The following SEMA6D variants were observed in gnomAD, a reference collection of about 807,000 sequenced individuals.
SEMA6D encodes semaphorin 6D, also known as semaphorin-6D.
SEMA6D carries 35 observed loss-of-function variants against 106.6 expected under a neutral mutation model. That is an observed-to-expected ratio of 0.33 (90% CI 0.25 to 0.44). The LOEUF (loss-of-function observed/expected upper bound fraction) is 0.44. SEMA6D is among the 20% of genes least tolerant of loss of function. The pLI is 1.00. For missense variants in SEMA6D, 1,185 were observed against 1,345.9 expected, an observed-to-expected ratio of 0.88 and a Z score of 1.87; for synonymous variants, 499 against 487.7, an observed-to-expected ratio of 1.02 and a Z score of -0.31.
intron 1 of SEMA6D, among the ~76,000 whole-genome samples, chr15:47,230,984 C>G (rs756463737): frequency 2.2e-4 from 34 of 151,744 alleles, no homozygotes; most frequent in Non-Finnish European, 3.8e-4. Flanking sequence ...TACTTTTTAC[C>G]CCCTTTCCTC....
intron 4 of SEMA6D, among the ~76,000 whole-genome samples, chr15:47,669,093 G>A (rs2145354299): frequency 6.6e-6 from 1 of 151,788 alleles, no homozygotes; most frequent in African/African-American, 2.4e-5. Flanking sequence ...TTTGGCTAAT[G>A]ATTTGAAGGG....
At chr15:47,230,034 A>G (rs886643256) in intron 1 of SEMA6D, among the ~76,000 whole-genome samples, 1 of 152,138 alleles carries the variant, frequency 6.6e-6, no homozygotes, top group African/African-American at 2.4e-5. Context: ...ATTCAAATTT[A>G]ACTGAAGTTT....
At chr15:47,270,104 A>C (rs551573579) in intron 1 of SEMA6D, among the ~76,000 whole-genome samples, 3 of 149,234 alleles carry the variant, frequency 2.0e-5, no homozygotes, top group Non-Finnish European at 3.0e-5. Context: ...TGTTTGTTAC[A>C]TTTTATTTAA....
At chr15:47,295,485 A>G (rs1390388300) in intron 1 of SEMA6D, among the ~76,000 whole-genome samples, 2 of 152,150 alleles carry the variant, frequency 1.3e-5, no homozygotes, top group African/African-American at 2.4e-5. Context: ...ATAGGACCAA[A>G]CTTCTGAAAG....
intron 1 of SEMA6D, among the ~76,000 whole-genome samples, chr15:47,342,559 A>G (rs1178145277): frequency 6.6e-6 from 1 of 152,212 alleles, no homozygotes; most frequent in African/African-American, 2.4e-5. Context: ...ATGTACTACC[A>G]TTACTCACTT....
rs562747720 is a variant in SEMA6D, at chr15:47,374,584, A to G, written c.-238-37809A>G. On this transcript the variant is annotated intron_variant, in intron 1 of 19. Coordinates refer to the SEMA6D transcript ENST00000558014. ...AAGCCCCTGTGAAGGCTAGTTGTCAATAGATGTTAAGGCTTGATTTGGCTG... is the reference window on the plus strand; with the variant it reads ...AAGCCCCTGTGAAGGCTAGTTGTCAGTAGATGTTAAGGCTTGATTTGGCTG... Among the ~76,000 whole-genome samples the G allele has an allele frequency of 1.8e-4, 28 of 152,214 alleles. No homozygotes were observed. In the East Asian group the frequency reaches 3.1e-3, roughly 17 times the overall value.
rs1237423034 is a variant in SEMA6D at position 47,759,770 on chromosome 15, G to T, written c.-29G>T. Reference sequence around the variant, plus strand: ...GTAGCTCAGTGGCATTTCTGAGCAGGGGCCACCCTGACTTCACCTTGGCCC... The same window carrying T: ...GTAGCTCAGTGGCATTTCTGAGCAGTGGCCACCCTGACTTCACCTTGGCCC... On this transcript the variant is annotated 5_prime_UTR_variant, in exon 2 of 19. Coordinates refer to ENST00000536845, the MANE Select transcript of SEMA6D (RefSeq NM_001358351.3). 1 of 1,549,242 alleles carries T rather than the reference G, an allele frequency of 6.5e-7. No homozygotes were observed. The highest frequency in any genetic ancestry group is 1.4e-5 in the African/African-American group (1 of 73,474).
At chr15:47,637,268 A>G (rs73392809) in intron 4 of SEMA6D, among the ~76,000 whole-genome samples, 5,230 of 152,246 alleles carry the variant, frequency 0.034, 294 homozygotes, top group African/African-American at 0.12. Flanking sequence ...TTTCCACCCC[A>G]AACAGTGCTT....
intron 4 of SEMA6D, among the ~76,000 whole-genome samples, chr15:47,682,657 G>A (rs2078382366): frequency 6.6e-6 from 1 of 152,178 alleles, no homozygotes; most frequent in African/African-American, 2.4e-5. Context: ...TTCCAGGATG[G>A]CTTTGCCATC....
At chr15:47,325,323 A>G (rs914992565) in intron 1 of SEMA6D, among the ~76,000 whole-genome samples, 6 of 151,948 alleles carry the variant, frequency 3.9e-5, no homozygotes, top group African/African-American at 1.5e-4. Flanking sequence ...ACAGGCGCCC[A>G]CCACCAGGCC....
At chr15:47,186,813 T>C (rs769477405) in intron 1 of SEMA6D, among the ~76,000 whole-genome samples, 2 of 152,188 alleles carry the variant, frequency 1.3e-5, no homozygotes, top group Admixed American at 1.3e-4. Flanking sequence ...TCTTCTGAAG[T>C]CTCCAGACTC....
At chr15:47,263,909 A>G (rs1450093377) in intron 1 of SEMA6D, among the ~76,000 whole-genome samples, 1 of 151,738 alleles carries the variant, frequency 6.6e-6, no homozygotes, top group Non-Finnish European at 1.5e-5. Context: ...TATTCATTGC[A>G]ACACTATTCA....
At chr15:47,591,096 G>T (rs886618360) in intron 3 of SEMA6D, among the ~76,000 whole-genome samples, 1 of 152,136 alleles carries the variant, frequency 6.6e-6, no homozygotes, top group Non-Finnish European at 1.5e-5. Flanking sequence ...CAAGGTCAAG[G>T]TACCAACAGG....
chr15:47,308,026 C>A (rs1311281674), intron 1 of SEMA6D, among the ~76,000 whole-genome samples: 1 of 133,760 alleles, frequency 7.5e-6, no homozygotes, highest in Non-Finnish European at 1.7e-5. Flanking sequence ...CAGAATTTGG[C>A]CTGGCTATTT....
At chr15:47,729,092 A>C (rs1180256210) in intron 1 of SEMA6D, among the ~76,000 whole-genome samples, 1 of 152,192 alleles carries the variant, frequency 6.6e-6, no homozygotes, top group Non-Finnish European at 1.5e-5. Flanking sequence ...CAGAGTCAGA[A>C]TTCACACCCA....
intron 4 of SEMA6D, among the ~76,000 whole-genome samples, chr15:47,707,586 G>A (rs1219352700): frequency 6.6e-6 from 1 of 152,184 alleles, no homozygotes; most frequent in Non-Finnish European, 1.5e-5. Context: ...GTCTAGGAAT[G>A]TGAAGGATGA....
Position 47,222,001 on chromosome 15 carries a change from GCACA to G in SEMA6D, c.-239+37595_-239+37598del, listed in dbSNP as rs113628492. 4.1e-3 allele frequency among the ~76,000 whole-genome samples: 614 copies of G among 150,776 alleles called. 21 individuals are homozygous for G. The highest frequency in any genetic ancestry group is 0.036 in the Admixed American group (548 of 15,068). ...CTTCATCACTGATGCACAAGCAAGC[GCACA>G]CACACACACACGCACAGACACACGC... On this transcript the variant is annotated intron_variant, in intron 1 of 19. Transcript: ENST00000558014.
chr15:47,473,920 G>T (rs149672843), intron 3 of SEMA6D, among the ~76,000 whole-genome samples: 20 of 151,990 alleles, frequency 1.3e-4, no homozygotes, highest in African/African-American at 4.1e-4. Flanking sequence ...CTTACATGGG[G>T]CAAGAAAAAA....
At chr15:47,463,885 G>A (rs1981919) in intron 2 of SEMA6D, among the ~76,000 whole-genome samples, 15,675 of 152,062 alleles carry the variant, frequency 0.1, 899 homozygotes, top group African/African-American at 0.14. Context: ...TTGGCTTGTG[G>A]CTGCGTTACT....
Sources: allele counts gnomAD v4.1 joint callset (sites outside exome capture counted in the v4.1 genomes callset), GRCh38; gene constraint gnomAD v4.1.1; transcripts MANE v1.5; gene names NCBI Gene and HGNC (gene_info 2026-07-23, HGNC 2026-07-21).